Variants in HPSE2 observed in about 807,000 individuals in gnomAD.
The protein encoded by HPSE2 is heparanase 2 (inactive).
A neutral mutation model predicts 60.5 loss-of-function variants in HPSE2; 38 were observed. That is an observed-to-expected ratio of 0.63 (90% CI 0.48 to 0.82). The LOEUF (loss-of-function observed/expected upper bound fraction) is 0.82, where lower values mean the gene tolerates loss of function less well. Ranked by LOEUF, HPSE2 falls within the 40% of genes least tolerant of loss-of-function variation. The probability of loss-of-function intolerance (pLI) is 0.00; values close to 1 mark genes in which losing one functional copy is unlikely to be tolerated. For synonymous variants in HPSE2, 295 were observed against 293.2 expected, an observed-to-expected ratio of 1.01 and a Z score of -0.06; for missense variants, 713 against 740.4, an observed-to-expected ratio of 0.96 and a Z score of 0.43.
chr10:98,960,922 T>C (rs1955662595), intron 3 of HPSE2, among the ~76,000 whole-genome samples: 2 of 92,308 alleles, frequency 2.2e-5, no homozygotes, highest in African/African-American at 9.0e-5. Context: ...CCCCAGAGTG[T>C]GATATTCCCC....
upstream of HPSE2, among the ~76,000 whole-genome samples, chr10:99,236,174 G>A (rs544781771): frequency 4.6e-5 from 7 of 151,946 alleles, no homozygotes; most frequent in South Asian, 1.5e-3. Flanking sequence ...AAGGTAAGGG[G>A]AGGGGAGCAG....
chr10:99,047,034 C>A (rs1334563796), intron 3 of HPSE2, among the ~76,000 whole-genome samples: 1 of 152,074 alleles, frequency 6.6e-6, no homozygotes, highest in Non-Finnish European at 1.5e-5. Context: ...GCACAAAGAA[C>A]AAATGTGGAG....
At chr10:99,170,108 A>G (rs924854639) in intron 2 of HPSE2, among the ~76,000 whole-genome samples, 1 of 152,146 alleles carries the variant, frequency 6.6e-6, no homozygotes. Context: ...GGTAGAGTAG[A>G]ATATCCTTTC....
chr10:98,749,769 G>A (rs976475320), intron 3 of HPSE2, among the ~76,000 whole-genome samples: 2 of 150,792 alleles, frequency 1.3e-5, no homozygotes, highest in Admixed American at 1.3e-4. Context: ...TGCATTTAAG[G>A]TAGGCCCGGC....
At chr10:98,967,611 C>T (rs1034806777) in intron 3 of HPSE2, among the ~76,000 whole-genome samples, 3 of 152,124 alleles carry the variant, frequency 2.0e-5, no homozygotes, top group Non-Finnish European at 4.4e-5. Flanking sequence ...ATAACTCAAA[C>T]CAGCTGACCT....
chr10:98,830,495 T>C (rs1479124760), intron 3 of HPSE2, among the ~76,000 whole-genome samples: 1 of 152,130 alleles, frequency 6.6e-6, no homozygotes, highest in Non-Finnish European at 1.5e-5. Context: ...AAACAGTAAA[T>C]TCAATAACAG....
At chr10:98,591,818 G>C (rs974412411) in intron 9 of HPSE2, among the ~76,000 whole-genome samples, 1 of 152,054 alleles carries the variant, frequency 6.6e-6, no homozygotes, top group East Asian at 1.9e-4. Flanking sequence ...ATGTATCAGC[G>C]CACGTATAAC....
In HPSE2 at chr10:98,595,255, C is replaced by T. The variant is rs374140960; in HGVS notation, c.1320+19649G>A. Among the ~76,000 whole-genome samples, 699 of 150,878 alleles carry T rather than the reference C, an allele frequency of 4.6e-3. 8 individuals are homozygous for T. Among genetic ancestry groups the T allele is most frequent in the African/African-American group, 0.016 (666 of 41,008 alleles). On this transcript the variant is annotated intron_variant, in intron 9 of 11. Coordinates refer to ENST00000370552, the MANE Select transcript of HPSE2 (RefSeq NM_021828.5). ...TGCAATCTCGGCTCACTGCAAGCTCCGCCTCCCGGGTTCACGCCATTCTCC... is the reference window on the plus strand; with the variant it reads ...TGCAATCTCGGCTCACTGCAAGCTCTGCCTCCCGGGTTCACGCCATTCTCC...
At chr10:99,075,037 A>T (rs1470551378) in intron 3 of HPSE2, among the ~76,000 whole-genome samples, 1 of 151,874 alleles carries the variant, frequency 6.6e-6, no homozygotes, top group East Asian at 1.9e-4. Flanking sequence ...TCTCTATTAC[A>T]TTTACTTCTG....
chr10:98,709,973 T>G (rs963378340), intron 5 of HPSE2, among the ~76,000 whole-genome samples: 3 of 152,200 alleles, frequency 2.0e-5, no homozygotes, highest in Non-Finnish European at 4.4e-5. Context: ...CATAGTAGCC[T>G]GATCTTTCCT....
chr10:98,974,552 C>T (rs2487900), intron 3 of HPSE2, among the ~76,000 whole-genome samples: 22,141 of 152,096 alleles, frequency 0.15, 2,028 homozygotes, highest in Admixed American at 0.23. Context: ...AGGTGTGAGC[C>T]ACTGCACCCG....
chr10:99,145,620 T>G (rs1329518440), intron 2 of HPSE2, among the ~76,000 whole-genome samples: 1 of 152,186 alleles, frequency 6.6e-6, no homozygotes, highest in African/African-American at 2.4e-5. Context: ...CTAAAAACTT[T>G]CAAGTTTTGC....
intron 9 of HPSE2, among the ~76,000 whole-genome samples, chr10:98,521,417 C>A (rs1942789228): frequency 6.6e-6 from 1 of 152,138 alleles, no homozygotes; most frequent in Admixed American, 6.5e-5. Flanking sequence ...AGAAATGCAA[C>A]TCAAAACCAC....
At chr10:99,166,867 C>T (rs1472483377) in intron 2 of HPSE2, among the ~76,000 whole-genome samples, 1 of 150,872 alleles carries the variant, frequency 6.6e-6, no homozygotes, top group African/African-American at 2.4e-5. Context: ...AAAAAAAAAT[C>T]ACTCCTAGTC....
At chr10:98,563,626 TA>T (rs1344886277) in intron 9 of HPSE2, among the ~76,000 whole-genome samples, 1 of 152,056 alleles carries the variant, frequency 6.6e-6, no homozygotes, top group African/African-American at 2.4e-5. Context: ...ACTTAGAAAA[TA>T]AAAAAATATA....
At chr10:98,789,979 T>C (rs1433935027) in intron 3 of HPSE2, among the ~76,000 whole-genome samples, 4 of 152,130 alleles carry the variant, frequency 2.6e-5, no homozygotes, top group African/African-American at 9.7e-5. Context: ...CTGTGTTTAT[T>C]TGTCAGCTCT....
the HPSE2 span, among the ~76,000 whole-genome samples, chr10:99,311,691 T>C: frequency 6.6e-6 from 1 of 152,168 alleles, no homozygotes; most frequent in Non-Finnish European, 1.5e-5. Flanking sequence ...ATAATAACCC[T>C]ACAACGGCCT....
intron 3 of HPSE2, among the ~76,000 whole-genome samples, chr10:99,108,616 A>G (rs1175490459): frequency 6.6e-6 from 1 of 152,166 alleles, no homozygotes; most frequent in African/African-American, 2.4e-5. Flanking sequence ...TAACGAGACC[A>G]TATTAGCAAC....
intron 9 of HPSE2, among the ~76,000 whole-genome samples, chr10:98,498,823 A>C (rs185140875): frequency 8.5e-5 from 13 of 152,326 alleles, no homozygotes; most frequent in African/African-American, 2.9e-4. Flanking sequence ...AACTACAGGA[A>C]ACATTGGACA....
Sources: allele counts gnomAD v4.1 joint callset (sites outside exome capture counted in the v4.1 genomes callset), GRCh38; gene constraint gnomAD v4.1.1; transcripts MANE v1.5; gene names NCBI Gene and HGNC (gene_info 2026-07-23, HGNC 2026-07-21).